DENND1B: variants seen among roughly 807,000 people sequenced by gnomAD.
DENND1B encodes DENN domain containing 1B.
Under a neutral mutation model 90.1 loss-of-function variants are expected in DENND1B, and 59 were observed. That is an observed-to-expected ratio of 0.65 (90% confidence interval 0.53 to 0.81). The LOEUF (loss-of-function observed/expected upper bound fraction) is 0.81. DENND1B is among the 40% of genes least tolerant of loss of function. DENND1B has a pLI of 0.00. For missense variants in DENND1B, 862 were observed against 912.6 expected, an observed-to-expected ratio of 0.94 and a Z score of 0.71; for synonymous variants, 337 against 324.6, an observed-to-expected ratio of 1.04 and a Z score of -0.41.
At chr1:197,546,616 T>C in intron 17 of DENND1B, 117 bp downstream of exon 17, 1 of 901,474 alleles carries the variant, frequency 1.1e-6, no homozygotes, top group Non-Finnish European at 1.6e-6. Context: ...TGTGACAAAA[T>C]ATACAAACAT....
chr1:197,670,776 A>G (rs1655424673), intron 5 of DENND1B, among the ~76,000 whole-genome samples: 1 of 151,998 alleles, frequency 6.6e-6, no homozygotes, highest in African/African-American at 2.4e-5. Context: ...TGATAAAAGG[A>G]ACTCTCCCCA....
intron 10 of DENND1B, among the ~76,000 whole-genome samples, chr1:197,626,104 A>G (rs1678682732): frequency 6.6e-6 from 1 of 152,230 alleles, no homozygotes; most frequent in Non-Finnish European, 1.5e-5. Flanking sequence ...TCAACATTAG[A>G]CAGATCAACG....
rs2477061 is a variant in DENND1B at position 197,745,618 on chromosome 1, A to G, written c.82+27250T>C. ...GATAACAGATCACCATATATATATT[A>G]TATATATATATATATATATATAATA... On this transcript the variant is annotated intron_variant, in intron 2 of 22. Coordinates refer to ENST00000620048, the MANE Select transcript of DENND1B (RefSeq NM_001195215.2). 5.6e-5 allele frequency among the ~76,000 whole-genome samples: 6 copies of G among 108,050 alleles called. No homozygotes were observed. The South Asian group carries it at 1.5e-3, about 27-fold the overall frequency. The allele number at this position is 108,050 out of a possible 152,430, so 70.9% of individuals were successfully genotyped here.
At chr1:197,536,599 C>A (rs1201173921) in intron 20 of DENND1B, among the ~76,000 whole-genome samples, 1 of 151,784 alleles carries the variant, frequency 6.6e-6, no homozygotes, top group Non-Finnish European at 1.5e-5. Context: ...TGCTAGAGGG[C>A]CCAAAATTTA....
intron 15 of DENND1B, among the ~76,000 whole-genome samples, chr1:197,557,203 C>A (rs776732635): frequency 4.0e-5 from 6 of 151,804 alleles, no homozygotes; most frequent in African/African-American, 1.5e-4. Context: ...TCAAAGTGAT[C>A]TCATTTGATG....
At chr1:197,714,081 A>T (rs1211578899) in intron 3 of DENND1B, among the ~76,000 whole-genome samples, 1 of 148,158 alleles carries the variant, frequency 6.7e-6, no homozygotes, top group Non-Finnish European at 1.5e-5. Context: ...GGTTCAAGTG[A>T]TTCTCCTGCC....
intron 20 of DENND1B, among the ~76,000 whole-genome samples, chr1:197,516,371 GA>G (rs1409065077): frequency 1.3e-5 from 2 of 151,862 alleles, no homozygotes; most frequent in Admixed American, 1.3e-4. Flanking sequence ...ACAGGTGATA[GA>G]ATATGTCAAT....
At chr1:197,540,747 G>C (rs1312086291) in intron 19 of DENND1B, among the ~76,000 whole-genome samples, 1 of 152,126 alleles carries the variant, frequency 6.6e-6, no homozygotes, top group Non-Finnish European at 1.5e-5. Flanking sequence ...ATAGTTCTGT[G>C]ATAAAATATT....
intron 2 of DENND1B, among the ~76,000 whole-genome samples, chr1:197,731,850 C>T (rs1289171614): frequency 6.6e-6 from 1 of 151,914 alleles, no homozygotes; most frequent in Non-Finnish European, 1.5e-5. Context: ...CTACACAGCA[C>T]TCTGTGCCTC....
In DENND1B at chr1:197,697,276, A is replaced by G. The variant is rs1372028162; in HGVS notation, c.126+17755T>C. ...GATTTTTTTTTATGGCAAAACCCAT[A>G]TAACTGACAGGGTTAGGATTCAAAC... On this transcript the variant is annotated intron_variant, in intron 3 of 22. Coordinates refer to ENST00000620048, the MANE Select transcript of DENND1B (RefSeq NM_001195215.2). Among the ~76,000 whole-genome samples, 3 of 151,656 alleles carry G rather than the reference A, an allele frequency of 2.0e-5. No individual in the cohort carries two copies. The South Asian group carries it at 6.2e-4, about 31-fold the overall frequency.
At chr1:197,660,143 A>C (rs1445372875) in intron 5 of DENND1B, among the ~76,000 whole-genome samples, 1 of 151,860 alleles carries the variant, frequency 6.6e-6, no homozygotes, top group African/African-American at 2.4e-5. Flanking sequence ...GAAAAAAATT[A>C]AAGTCAATAG....
rs1232833393 is a variant in DENND1B at position 197,674,381 on chromosome 1, AG to A, written c.127-213del. Among the ~76,000 whole-genome samples, 8 of 152,248 alleles carry A rather than the reference AG, an allele frequency of 5.3e-5. No homozygotes were observed. The South Asian group carries it at 1.4e-3, about 28-fold the overall frequency. On this transcript the variant is annotated intron_variant, in intron 3 of 22. Coordinates refer to ENST00000620048, the MANE Select transcript of DENND1B (RefSeq NM_001195215.2). ...GCACTGACAATGCCACAGAAACCCC[AG>A]GGGGGAAAGGCCTGGCCTGAAGGGT...
chr1:197,704,015 G>GA (rs1558422726), intron 3 of DENND1B, among the ~76,000 whole-genome samples: 1 of 152,130 alleles, frequency 6.6e-6, no homozygotes, highest in Admixed American at 6.6e-5. Context: ...GACCAAGGTG[G>GA]AAAAAATCAC....
At chr1:197,634,548 C>T (rs1572141204) in intron 10 of DENND1B, among the ~76,000 whole-genome samples, 2 of 152,166 alleles carry the variant, frequency 1.3e-5, no homozygotes, top group East Asian at 3.9e-4. Context: ...AACTGCAATA[C>T]AAATCCATGA....
At chr1:197,515,710 C>T (rs1398670210) in intron 20 of DENND1B, among the ~76,000 whole-genome samples, 7 of 151,804 alleles carry the variant, frequency 4.6e-5, no homozygotes, top group African/African-American at 1.7e-4. Context: ...CTCACATACA[C>T]ACAGATACTA....
intron 20 of DENND1B, among the ~76,000 whole-genome samples, chr1:197,524,370 A>G (rs1469457862): frequency 6.6e-6 from 1 of 152,146 alleles, no homozygotes; most frequent in Non-Finnish European, 1.5e-5. Context: ...ATGGAAGTGG[A>G]TATAATTATC....
In DENND1B at chr1:197,573,494, C is replaced by T. The variant is rs944024680; in HGVS notation, c.1149+9658G>A. On this transcript the variant is annotated intron_variant, in intron 15 of 22. Transcript: ENST00000620048. ...CAACCAAAAAGAGTCCAGGACCAGA[C>T]GGATTCACAGCCAAATTCTACCAGA... is the stretch of plus-strand genomic sequence containing the variant. Among the ~76,000 whole-genome samples, 17 of 152,252 alleles carry T rather than the reference C, an allele frequency of 1.1e-4. No homozygotes were observed. The Middle Eastern group carries it at 0.014, about 122-fold the overall frequency.
intron 2 of DENND1B, among the ~76,000 whole-genome samples, chr1:197,736,948 T>C (rs1017476464): frequency 1.3e-5 from 2 of 152,252 alleles, no homozygotes; most frequent in Non-Finnish European, 2.9e-5. Flanking sequence ...TAAATGAGAT[T>C]TCTCAATACT....
chr1:197,677,162 G>A (rs183029259), intron 3 of DENND1B, among the ~76,000 whole-genome samples: 149 of 152,092 alleles, frequency 9.8e-4, no homozygotes, highest in Non-Finnish European at 4.6e-4. Context: ...AACCACTTTT[G>A]TCCTCCACTG....
Sources: gnomAD v4.1 joint callset for allele counts (sites outside exome capture counted in the v4.1 genomes callset) on GRCh38, gnomAD v4.1.1 for gene constraint, MANE v1.5 for transcripts, NCBI Gene and HGNC (gene_info 2026-07-23, HGNC 2026-07-21) for gene names.